Variants in PRKD2 observed in about 807,000 individuals in gnomAD.
PRKD2 encodes serine/threonine-protein kinase D2.
In PRKD2, 22 loss-of-function variants were observed where a neutral mutation model predicts 86.0. The ratio of observed to expected loss-of-function variants is 0.26; its 90% CI spans 0.18 to 0.37. PRKD2 has a LOEUF of 0.37. PRKD2 is among the 10% of genes least tolerant of loss of function. PRKD2 has a pLI of 1.00. For synonymous variants in PRKD2, 509 were observed against 510.9 expected (o/e 1.00, Z 0.05); for missense variants, 818 against 1,199.2 (o/e 0.68, Z 4.70).
At chr19:46,708,149 G>A (rs1457305210) in intron 3 of PRKD2, among the ~76,000 whole-genome samples, 3 of 151,902 alleles carry the variant, frequency 2.0e-5, no homozygotes, top group Non-Finnish European at 4.4e-5. Flanking sequence ...AGATATGTAT[G>A]GGTGCTGTTA....
At chr19:46,675,830 A>C (rs935444498) in intron 16 of PRKD2, among the ~76,000 whole-genome samples, 5 of 151,390 alleles carry the variant, frequency 3.3e-5, no homozygotes, top group Admixed American at 2.6e-4. Flanking sequence ...CAGTGGCGTG[A>C]TCAATGCTCA....
At position 46,703,958 on chromosome 19, in the gene PRKD2, A is replaced by AACAACACACACACAC. The variant is rs1555830816; in HGVS notation, c.889+210_889+211insGTGTGTGTGTGTTGT. ...CACCCTGTCTCCAAAAAACAACAAC[A>AACAACACACACACAC]ACACACACACACACACACACACACA... On this transcript the variant is annotated intron_variant, in intron 5 of 17. Transcript: ENST00000291281. Among the ~76,000 whole-genome samples the AACAACACACACACAC allele has an allele frequency of 3.8e-3, 513 of 133,726 alleles. 2 individuals are homozygous for AACAACACACACACAC. Among genetic ancestry groups the AACAACACACACACAC allele is most frequent in the African/African-American group, 0.013 (454 of 34,294 alleles). 87.7% of individuals were successfully genotyped at this position (133,726 alleles called of 152,430 possible).
At chr19:46,688,285 A>G (rs576260196) in intron 14 of PRKD2, among the ~76,000 whole-genome samples, 10 of 151,720 alleles carry the variant, frequency 6.6e-5, no homozygotes, top group African/African-American at 2.4e-4. Context: ...TTACAGGTGT[A>G]CCCCACCATG....
intron 3 of PRKD2, among the ~76,000 whole-genome samples, chr19:46,708,975 T>TTTTTTTTTG (rs2053760239): frequency 1.1e-5 from 1 of 91,100 alleles, no homozygotes; most frequent in Non-Finnish European, 2.6e-5. Flanking sequence ...GTTTGTGGTT[T>TTTTTTTTTG]TTTTTTTTTT....
chr19:46,681,793 C>T, intron 14 of PRKD2, 45 bp from the exon 15 acceptor site: 4 of 1,277,258 alleles, frequency 3.1e-6, no homozygotes, highest in Non-Finnish European at 4.6e-6. Context: ...GATAGGTACT[C>T]AGCCAAATCC....
intron 14 of PRKD2, 131 bp downstream of exon 14, chr19:46,689,406 C>T: frequency 8.7e-7 from 1 of 1,149,464 alleles, no homozygotes; most frequent in East Asian, 2.6e-5. Flanking sequence ...CTGCGCCCAG[C>T]CTGATGATGG....
chr19:46,713,860 C>T lies in PRKD2; in HGVS notation c.379+3G>A, dbSNP rs1388545729. The T allele has an allele frequency of 3.8e-6, 6 of 1,570,096 alleles. No individual in the cohort carries two copies. Among genetic ancestry groups the T allele is most frequent in the Non-Finnish European group, 5.2e-6 (6 of 1,155,732 alleles). On this transcript the variant is annotated splice_donor_region_variant and intron_variant, in intron 2 of 17. Coordinates refer to ENST00000291281, the MANE Select transcript of PRKD2 (RefSeq NM_016457.5). Reference sequence around the variant, plus strand: ...CGCCCCCAGGCCGGCCACCACCTCTCACCCGACAGCACCACCTCCACCAGG... The same window carrying T: ...CGCCCCCAGGCCGGCCACCACCTCTTACCCGACAGCACCACCTCCACCAGG...
At chr19:46,698,172 C>T (rs950396491) in intron 7 of PRKD2, among the ~76,000 whole-genome samples, 1 of 152,012 alleles carries the variant, frequency 6.6e-6, no homozygotes, top group Admixed American at 6.6e-5. Flanking sequence ...ACGCCACCAC[C>T]CCTGGCTAAT....
In PRKD2 at chr19:46,681,698, G is replaced by A; in HGVS notation, c.2022C>T (p.Asp674=). 6.3e-7 allele frequency: 1 copy of A among 1,597,476 alleles called. No homozygotes were observed. Among genetic ancestry groups the A allele is most frequent in the Non-Finnish European group, 8.5e-7 (1 of 1,169,684 alleles). Residue 674 remains aspartate (D), a synonymous_variant, in exon 15 of 18, where the codon GAC becomes GAT. Coordinates refer to ENST00000291281, the MANE Select transcript of PRKD2 (RefSeq NM_016457.5). ...HLHFKNIVHC[D]LKPENVLLAS... is the part of the protein sequence containing the mutation. The stretch of plus-strand genomic sequence containing the variant: ...CCAGCAACACGTTTTCTGGTTTCAA[G>A]TCACAGTGGACAATGTTCTTGAAGT...
chr19:46,703,999 G>A (rs2053674432), intron 5 of PRKD2, among the ~76,000 whole-genome samples, 170 bp downstream of exon 5: 1 of 63,728 alleles, frequency 1.6e-5, no homozygotes, highest in Non-Finnish European at 3.6e-5. Context: ...ACACAACTGA[G>A]GTTCTAAGAT....
At chr19:46,712,416 C>T (rs1317889417) in intron 2 of PRKD2, among the ~76,000 whole-genome samples, 1 of 151,880 alleles carries the variant, frequency 6.6e-6, no homozygotes, top group Non-Finnish European at 1.5e-5. Context: ...TAGCAGGCGC[C>T]TGTAATCCCA....
intron 9 of PRKD2, among the ~76,000 whole-genome samples, chr19:46,696,495 C>T (rs1392099297): frequency 6.6e-6 from 1 of 152,096 alleles, no homozygotes; most frequent in African/African-American, 2.4e-5. Context: ...TGCGGTGGCT[C>T]ATGCCTGTAA....
chr19:46,695,143 G>C (rs1011194959), intron 9 of PRKD2, among the ~76,000 whole-genome samples: 2 of 151,956 alleles, frequency 1.3e-5, no homozygotes, highest in African/African-American at 4.8e-5. Context: ...GTTACAGTGA[G>C]CCATGATCAT....
intron 14 of PRKD2, among the ~76,000 whole-genome samples, chr19:46,684,989 G>A (rs1467963145): frequency 1.6e-4 from 23 of 147,542 alleles, no homozygotes; most frequent in Admixed American, 1.4e-3. Context: ...GGCCGGATAT[G>A]GTGGCTCACG....
chr19:46,712,339 G>A (rs905917616), intron 2 of PRKD2, among the ~76,000 whole-genome samples: 6 of 151,902 alleles, frequency 3.9e-5, no homozygotes, highest in Non-Finnish European at 1.5e-5. Flanking sequence ...TCAGCAGTTC[G>A]AGACCAGCCT....
Position 46,678,291 on chromosome 19 carries a change from A to G in PRKD2, c.2338+105T>C. 6.7e-7 allele frequency: 1 copy of G among 1,490,072 alleles called. No individual in the cohort carries two copies. The allele number at this position is 1,490,072 out of a possible 1,614,324, so 92.3% of individuals were successfully genotyped here. A position where few individuals can be genotyped will look rare whatever the true frequency, so the allele number is the denominator to read the frequency against. ...GCCCCAGCACTGGGCTCCACCCCCA[A>G]GGTGCCAGGCTGTTTCCGGGTCCAC... On this transcript the variant is annotated intron_variant, in intron 16 of 17. Transcript: ENST00000291281. This position sits in a 1 kb window ranked among gnomAD's most constrained non-coding sequence, Gnocchi z 5.7.
intron 3 of PRKD2, among the ~76,000 whole-genome samples, chr19:46,704,953 C>A (rs1462492469): frequency 1.3e-5 from 2 of 151,334 alleles, no homozygotes; most frequent in Non-Finnish European, 2.9e-5. Context: ...AGGCTCCCCC[C>A]AAAGCTCTGT....
chr19:46,676,379 C>T (rs895258591), intron 16 of PRKD2, among the ~76,000 whole-genome samples: 1 of 152,150 alleles, frequency 6.6e-6, no homozygotes, highest in African/African-American at 2.4e-5. Flanking sequence ...GAGCCAAGAT[C>T]GTGCCACTGC....
chr19:46,702,897 C>T (rs2053654916), intron 5 of PRKD2, among the ~76,000 whole-genome samples: 1 of 152,014 alleles, frequency 6.6e-6, no homozygotes, highest in African/African-American at 2.4e-5. Context: ...CCATGTTGCC[C>T]AGGCTGGTCT....
Sources: gnomAD v4.1 joint callset for allele counts (sites outside exome capture counted in the v4.1 genomes callset) on GRCh38, gnomAD v4.1.1 for gene constraint, Gnocchi (gnomAD v3.1) non-coding constraint, MANE v1.5 for transcripts, NCBI Gene and HGNC (gene_info 2026-07-23, HGNC 2026-07-21) for gene names.